Variants in WDPCP observed in about 807,000 individuals in gnomAD.
The protein encoded by WDPCP is WD repeat containing planar cell polarity effector, also known as WD repeat-containing and planar cell polarity effector protein fritz homolog.
Under a neutral mutation model 93.1 loss-of-function variants are expected in WDPCP, and 71 were observed. The observed-to-expected ratio is 0.76, with a 90% CI of 0.63 to 0.93. WDPCP has a LOEUF of 0.93. WDPCP is among the 40% of genes least tolerant of loss of function. WDPCP has a pLI of 0.00. For missense variants in WDPCP, 844 were observed against 887.4 expected, an observed-to-expected ratio of 0.95 and a Z score of 0.62; for synonymous variants, 315 against 315.0, an observed-to-expected ratio of 1.00 and a Z score of 0.00.
intron 14 of WDPCP, among the ~76,000 whole-genome samples, chr2:63,227,738 T>A (rs561599356): frequency 6.6e-6 from 1 of 152,236 alleles, no homozygotes; most frequent in East Asian, 1.9e-4. Context: ...TGATAGTAAT[T>A]ACAGAGCTTA....
At chr2:63,215,742 G>A (rs1574898460) in intron 14 of WDPCP, among the ~76,000 whole-genome samples, 1 of 152,148 alleles carries the variant, frequency 6.6e-6, no homozygotes, top group Non-Finnish European at 1.5e-5. Flanking sequence ...CTTCTGCACA[G>A]CAAAAGAAAC....
At chr2:63,251,908 G>A (rs929455084) in intron 14 of WDPCP, among the ~76,000 whole-genome samples, 1 of 151,788 alleles carries the variant, frequency 6.6e-6, no homozygotes, top group African/African-American at 2.4e-5. Context: ...AAATCAGGTA[G>A]GAGGGAACTC....
chr2:63,166,991 CTA>C (rs1347371336), intron 15 of WDPCP, among the ~76,000 whole-genome samples: 11 of 152,228 alleles, frequency 7.2e-5, no homozygotes, highest in African/African-American at 2.4e-4. Flanking sequence ...TTCACTATCT[CTA>C]TGAGTTCAAT....
At chr2:63,187,086 T>C (rs1674698639) in intron 14 of WDPCP, among the ~76,000 whole-genome samples, 1 of 152,202 alleles carries the variant, frequency 6.6e-6, no homozygotes, top group South Asian at 2.1e-4. Flanking sequence ...ATCATCCTGG[T>C]GAATTGACCC....
intron 12 of WDPCP, among the ~76,000 whole-genome samples, chr2:63,358,881 C>G (rs1690224683): frequency 6.6e-6 from 1 of 152,186 alleles, no homozygotes; most frequent in South Asian, 2.1e-4. Context: ...TACAGACTAC[C>G]CAGTCTCACT....
At chr2:63,256,393 C>A (rs1223966350) in intron 14 of WDPCP, among the ~76,000 whole-genome samples, 1 of 152,016 alleles carries the variant, frequency 6.6e-6, no homozygotes, top group African/African-American at 2.4e-5. Flanking sequence ...GTCACATATA[C>A]AAAATTACAA....
chr2:63,378,571 A>G, intron 11 of WDPCP, 62 bp from the exon 12 acceptor site: 1 of 1,608,992 alleles, frequency 6.2e-7, no homozygotes, highest in Non-Finnish European at 8.5e-7. Flanking sequence ...ACAACAAAAT[A>G]CTCATGTTTG....
intron 13 of WDPCP, among the ~76,000 whole-genome samples, chr2:63,266,665 G>A (rs543540278): frequency 6.6e-6 from 1 of 152,214 alleles, no homozygotes; most frequent in East Asian, 1.9e-4. Context: ...AATTAGCTGG[G>A]TGCGGTGGCA....
chr2:63,525,731 T>C (rs1156885596), intron 1 of WDPCP, among the ~76,000 whole-genome samples: 1 of 152,190 alleles, frequency 6.6e-6, no homozygotes, highest in African/African-American at 2.4e-5. Context: ...GCCGTTATGT[T>C]AGTGGCCGTG....
At chr2:63,351,979 T>A (rs1326332642) in intron 12 of WDPCP, among the ~76,000 whole-genome samples, 2 of 152,238 alleles carry the variant, frequency 1.3e-5, no homozygotes, top group African/African-American at 4.8e-5. Context: ...TGGTGTGAGA[T>A]GGTATCTTAC....
At chr2:63,485,117 CA>C in intron 4 of WDPCP, 130 bp from the exon 5 acceptor site, 2 of 876,222 alleles carry the variant, frequency 2.3e-6, no homozygotes, top group Non-Finnish European at 3.6e-6. Flanking sequence ...TCATTTCCAT[CA>C]TCAAATGACA....
chr2:63,685,441 C>T (rs908455012), intron 2 of WDPCP, among the ~76,000 whole-genome samples: 4 of 151,534 alleles, frequency 2.6e-5, no homozygotes, highest in Non-Finnish European at 5.9e-5. Context: ...TAACAAGTAA[C>T]AAGAACGAAG....
At chr2:63,178,874 C>A (rs746860275) in intron 14 of WDPCP, among the ~76,000 whole-genome samples, 1 of 152,054 alleles carries the variant, frequency 6.6e-6, no homozygotes, top group Non-Finnish European at 1.5e-5. Context: ...GTTTTCACTG[C>A]GTCTCACAAG....
chr2:63,143,694 A>C (rs891850519), intron 17 of WDPCP, among the ~76,000 whole-genome samples: 4 of 152,166 alleles, frequency 2.6e-5, no homozygotes, highest in Admixed American at 6.5e-5. Flanking sequence ...TGCTTCATAC[A>C]TGATGCTTAC....
intron 15 of WDPCP, among the ~76,000 whole-genome samples, chr2:63,173,988 C>T (rs1385803705): frequency 6.6e-6 from 1 of 151,758 alleles, no homozygotes; most frequent in Non-Finnish European, 1.5e-5. Context: ...GTAACACTGC[C>T]ATTCTCATTC....
At chr2:63,709,727 C>A (rs558573366) in intron 2 of WDPCP, among the ~76,000 whole-genome samples, 1 of 152,130 alleles carries the variant, frequency 6.6e-6, no homozygotes, top group African/African-American at 2.4e-5. Context: ...ATTTTCCATT[C>A]CTACCTTGGG....
chr2:63,137,218 C>CTGT lies in WDPCP; in HGVS notation c.2191-15165_2191-15163dup, dbSNP rs149696628. ...CATTTCTCCACAAACTTGCCATCATCTGTTGTTGTTGTTGTTGTTGTTGTT... is the reference window on the plus strand; with the variant it reads ...CATTTCTCCACAAACTTGCCATCATCTGTTGTTGTTGTTGTTGTTGTTGTTGTT... On this transcript the variant is annotated intron_variant, in intron 17 of 17. Transcript: ENST00000272321. Among the ~76,000 whole-genome samples the CTGT allele has an allele frequency of 9.8e-4, 149 of 152,024 alleles. 1 individual carries two copies. In the East Asian group the frequency reaches 0.01, roughly 10 times the overall value.
chr2:63,713,451 A>G (rs1669291391), intron 2 of WDPCP, among the ~76,000 whole-genome samples: 1 of 152,200 alleles, frequency 6.6e-6, no homozygotes, highest in Non-Finnish European at 1.5e-5. Flanking sequence ...TTCAATAGCA[A>G]TGTCATATAA....
chr2:63,484,388 T>C (rs1700443162), intron 6 of WDPCP, among the ~76,000 whole-genome samples: 1 of 152,020 alleles, frequency 6.6e-6, no homozygotes, highest in Non-Finnish European at 1.5e-5. Flanking sequence ...TGTTTGTATG[T>C]CAGTACAACT....
Sources: gnomAD v4.1 joint callset for allele counts (sites outside exome capture counted in the v4.1 genomes callset) on GRCh38, gnomAD v4.1.1 for gene constraint, MANE v1.5 for transcripts, NCBI Gene and HGNC (gene_info 2026-07-23, HGNC 2026-07-21) for gene names.